Variants in NLRC3 observed in about 807,000 individuals in gnomAD.
The protein encoded by NLRC3 is NLR family CARD domain-containing protein 3.
Under a neutral mutation model 91.6 loss-of-function variants are expected in NLRC3, and 87 were observed. The observed-to-expected ratio is 0.95, with a 90% CI of 0.80 to 1.14. NLRC3 has a LOEUF of 1.14. NLRC3 is among the 50% of genes most tolerant of loss of function. The probability of loss-of-function intolerance (pLI) is 0.00; values close to 1 mark genes in which losing one functional copy is unlikely to be tolerated. For synonymous variants in NLRC3, 694 were observed against 625.3 expected, an observed-to-expected ratio of 1.11 and a Z score of -1.64; for missense variants, 1,577 against 1,418.6, an observed-to-expected ratio of 1.11 and a Z score of -1.79.
At chr16:3,548,365 A>AG in intron 14 of NLRC3, 147 bp from the exon 15 acceptor site, 1 of 702,706 alleles carries the variant, frequency 1.4e-6, no homozygotes, top group Non-Finnish European at 2.5e-6. Context: ...CTTAGTTCTC[A>AG]GAGGGTCACA....
intron 1 of NLRC3, among the ~76,000 whole-genome samples, chr16:3,567,653 T>A (rs2039934297): frequency 6.7e-6 from 1 of 148,380 alleles, no homozygotes; most frequent in African/African-American, 2.5e-5. Flanking sequence ...GCGCCTGTAA[T>A]CCCAGGTACT....
At position 3,540,187 on chromosome 16, in the gene NLRC3, GT is replaced by G. The variant is rs1465918069; in HGVS notation, c.*1637del. 6.6e-6 allele frequency: 1 copy of G among 152,186 alleles called. No individual in the cohort carries two copies. Among genetic ancestry groups the G allele is most frequent in the Admixed American group, 6.5e-5 (1 of 15,282 alleles). 9.4% of individuals were successfully genotyped at this position (152,186 alleles called of 1,614,324 possible). A position where few individuals can be genotyped will look rare whatever the true frequency, so the allele number is the denominator to read the frequency against. The stretch of plus-strand genomic sequence containing the variant: ...TAGGATATCACCTTTGTGGGGTGCC[GT>G]TTTGAGACTGCAAGGATATCATCTT... On this transcript the variant is annotated 3_prime_UTR_variant, in exon 20 of 20. Transcript: ENST00000359128.
chr16:3,552,379 T>C lies in NLRC3; in HGVS notation c.2268-100A>G, dbSNP rs1001169606. 66 of 795,466 alleles carry C rather than the reference T, an allele frequency of 8.3e-5. 2 individuals are homozygous for C. The highest frequency in any genetic ancestry group is 9.8e-5 in the Non-Finnish European group (45 of 460,300). The allele number at this position is 795,466 out of a possible 1,614,324, so 49.3% of individuals were successfully genotyped here. A position where few individuals can be genotyped will look rare whatever the true frequency, so the allele number is the denominator to read the frequency against. ...AAGGTCAGGGACAACTAGTGTGCCC[T>C]CTACATTTATTGGAGCAGGTGGGGA... On this transcript the variant is annotated intron_variant, in intron 9 of 19. Transcript: ENST00000359128.
In NLRC3 at chr16:3,543,435, C is replaced by G; in HGVS notation, c.2929G>C (p.Glu977Gln). 5.0e-6 allele frequency: 8 copies of G among 1,611,000 alleles called. No homozygotes were observed. The highest frequency in any genetic ancestry group is 5.9e-6 in the Non-Finnish European group (7 of 1,177,912). The change falls in exon 17 of 20, where the codon GAG (glutamate) becomes CAG (glutamine). Residue 977 changes from glutamate (E) to glutamine (Q), a missense_variant. Coordinates refer to ENST00000359128, the MANE Select transcript of NLRC3 (RefSeq NM_178844.4). ...GACTGGAATACTTACTCGAGAATCTCCAAGGTTCTGTTCACAGCCAAGGCT... is the reference window on the plus strand; with the variant it reads ...GACTGGAATACTTACTCGAGAATCTGCAAGGTTCTGTTCACAGCCAAGGCT... Reference protein sequence around the residue: ...GEALAVNRTLEILDLRGNAIG... With the variant: ...GEALAVNRTLQILDLRGNAIG...
chr16:3,550,845 C>T (rs1021762267), intron 10 of NLRC3, among the ~76,000 whole-genome samples: 2 of 152,098 alleles, frequency 1.3e-5, no homozygotes, highest in Non-Finnish European at 1.5e-5. Flanking sequence ...TGGGGTTCAC[C>T]CAGTCCTGGG....
chr16:3,576,248 C>T (rs879785910), intron 1 of NLRC3, among the ~76,000 whole-genome samples: 9 of 152,186 alleles, frequency 5.9e-5, no homozygotes, highest in Non-Finnish European at 1.2e-4. Flanking sequence ...CAGGCTGGCC[C>T]AGGGCAGTGG....
chr16:3,567,659 G>A (rs564006998), intron 1 of NLRC3, among the ~76,000 whole-genome samples: 3 of 148,400 alleles, frequency 2.0e-5, no homozygotes, highest in African/African-American at 7.5e-5. Flanking sequence ...GTAATCCCAG[G>A]TACTCGAGAG....
At position 3,558,788 on chromosome 16, in the gene NLRC3, T is replaced by G. The variant is rs970252715; in HGVS notation, c.2016-1112A>C. Among the ~76,000 whole-genome samples, 3 of 152,238 alleles carry G rather than the reference T, an allele frequency of 2.0e-5. No homozygotes were observed. In the South Asian group the frequency reaches 6.2e-4, roughly 32 times the overall value. On this transcript the variant is annotated intron_variant, in intron 6 of 19. Transcript: ENST00000359128. ...CCAGGCTGGTGCTCTTCTTTTTCTT[T>G]TTTCAGACAGGATCTCATTCTGTCA...
chr16:3,565,052 C>G lies in NLRC3; in HGVS notation c.-16G>C. 1 of 1,605,650 alleles carries G rather than the reference C, an allele frequency of 6.2e-7. No individual in the cohort carries two copies. Among genetic ancestry groups the G allele is most frequent in the Non-Finnish European group, 8.5e-7 (1 of 1,178,828 alleles). On this transcript the variant is annotated 5_prime_UTR_variant, in exon 4 of 20. Coordinates refer to ENST00000359128, the MANE Select transcript of NLRC3 (RefSeq NM_178844.4). ...GCTTCCTCATGGAGTCGGGGATCAC[C>G]TCCAGGAGCTGTGAAGAGAGGGCCT...
In NLRC3 at chr16:3,563,608, C is replaced by T. The variant is rs1290993466; in HGVS notation, c.1329G>A (p.Glu443=). 1.2e-6 allele frequency: 2 copies of T among 1,613,224 alleles called. No individual in the cohort carries two copies. Among genetic ancestry groups the T allele is most frequent in the African/African-American group, 1.3e-5 (1 of 74,936 alleles). ...APCSCFLQRE[E]TLASSVAYCF... ...AGTAGGCCACTGACGATGCCAACGT[C>T]TCCTCTCTCTGCAGGAAGCAGCTGC... The change falls in exon 5 of 20, where the codon GAG becomes GAA. Residue 443 remains glutamate (E), a synonymous_variant. Transcript: ENST00000359128.
chr16:3,565,106 C>T lies in NLRC3; in HGVS notation c.-24-46G>A, dbSNP rs747033139. On this transcript the variant is annotated intron_variant, in intron 3 of 19. Coordinates refer to ENST00000359128, the MANE Select transcript of NLRC3 (RefSeq NM_178844.4). ...CCTGCTGCCTGCCGTGCCCCCCATC[C>T]AGCAGCCTGGGACAGGTGAGCAAGT... 8.2e-6 allele frequency: 12 copies of T among 1,470,454 alleles called. No individual in the cohort carries two copies. In the African/African-American group the frequency reaches 1.4e-4, roughly 17 times the overall value. The allele number at this position is 1,470,454 out of a possible 1,614,324, so 91.1% of individuals were successfully genotyped here. A position where few individuals can be genotyped will look rare whatever the true frequency, so the allele number is the denominator to read the frequency against.
intron 11 of NLRC3, 103 bp downstream of exon 11, chr16:3,550,311 C>T (rs2038925498): frequency 1.4e-6 from 1 of 712,282 alleles, no homozygotes; most frequent in Non-Finnish European, 2.5e-6. Context: ...TTAGTGTTGG[C>T]AGGGAAATGG....
rs753675303 is a variant in NLRC3 at position 3,552,261 on chromosome 16, G to A, written c.2286C>T (p.Ile762=). ...CCATCCGCTGGGCTCCCATGGGCCC[G>A]ATGCTGTTCTTCTGCAGGCTGTGGG... is the stretch of plus-strand genomic sequence containing the variant. ...LSMLHLQKNS[I]GPMGAQRMAD... Residue 762 remains isoleucine (I), a synonymous_variant, in exon 10 of 20, where the codon ATC becomes ATT. Transcript: ENST00000359128. 1.9e-5 allele frequency: 30 copies of A among 1,612,768 alleles called. No homozygotes were observed. In the Admixed American group the frequency reaches 2.2e-4, roughly 12 times the overall value.
At chr16:3,565,652 C>T (rs1354304422) in intron 2 of NLRC3, among the ~76,000 whole-genome samples, 1 of 151,824 alleles carries the variant, frequency 6.6e-6, no homozygotes, top group African/African-American at 2.4e-5. Context: ...ACAGACAATT[C>T]CTAGGGCAGT....
rs1412478534 is a variant in NLRC3, at chr16:3,563,889, G to A, written c.1048C>T (p.Gln350Ter). The change falls in exon 5 of 20, where the codon CAG becomes TAG. Residue 350 changes from glutamine to a stop codon, truncating the protein, a stop_gained. Coordinates refer to ENST00000359128, the MANE Select transcript of NLRC3 (RefSeq NM_178844.4). LOFTEE classifies it high-confidence loss of function. ...CTCGGGGGCCACAGCTCTGCATCCTGGGGCCCCGTCCTGCTGCGCCACAGG... is the reference window on the plus strand; with the variant it reads ...CTCGGGGGCCACAGCTCTGCATCCTAGGGCCCCGTCCTGCTGCGCCACAGG... ...GHLWRSRTGP[Q>*]DAELWPPRTL... 1.9e-6 allele frequency: 3 copies of A among 1,598,830 alleles called. No individual in the cohort carries two copies. The highest frequency in any genetic ancestry group is 4.5e-5 in the East Asian group (2 of 44,746).
At chr16:3,551,934 A>G (rs2039031325) in intron 10 of NLRC3, among the ~76,000 whole-genome samples, 1 of 137,054 alleles carries the variant, frequency 7.3e-6, no homozygotes, top group Admixed American at 7.4e-5. Context: ...TTCATCCATC[A>G]GTCCACTCAT....
At chr16:3,552,752 C>T (rs952261749) in intron 9 of NLRC3, among the ~76,000 whole-genome samples, 2 of 151,948 alleles carry the variant, frequency 1.3e-5, no homozygotes, top group East Asian at 1.9e-4. Context: ...CTATCCTGGC[C>T]AACATGGTGA....
chr16:3,562,822 G>C (rs553924398), intron 5 of NLRC3, 187 bp downstream of exon 5: 100 of 696,144 alleles, frequency 1.4e-4, no homozygotes, highest in Middle Eastern at 2.4e-4. Flanking sequence ...CTGGCACCTT[G>C]ATTTGAGACT....
At chr16:3,566,864 C>T (rs371413748) in intron 2 of NLRC3, among the ~76,000 whole-genome samples, 90 of 152,142 alleles carry the variant, frequency 5.9e-4, no homozygotes, top group Non-Finnish European at 7.5e-4. Context: ...GCACTCCAGT[C>T]GGAGGGGAAG....
Sources: allele counts gnomAD v4.1 joint callset (sites outside exome capture counted in the v4.1 genomes callset), GRCh38; gene constraint gnomAD v4.1.1; transcripts MANE v1.5; gene names NCBI Gene and HGNC (gene_info 2026-07-23, HGNC 2026-07-21).